The following NYAP2 variants were observed in gnomAD, a reference collection of about 807,000 sequenced individuals.
The protein encoded by NYAP2 is neuronal tyrosine-phosphorylated phosphoinositide-3-kinase adapter 2.
In NYAP2, 23 loss-of-function variants were observed where a neutral mutation model predicts 50.4. The observed-to-expected ratio is 0.46, with a 90% CI of 0.33 to 0.65. The LOEUF (loss-of-function observed/expected upper bound fraction) is 0.65. Among genes scored for constraint, NYAP2 ranks in the 30% least tolerant of loss-of-function variants. NYAP2 has a pLI of 0.02. For missense variants in NYAP2, 885 were observed against 861.0 expected (o/e 1.03, Z -0.35); for synonymous variants, 394 against 365.2 (o/e 1.08, Z -0.90).
At position 225,446,216 on chromosome 2, in the gene NYAP2, G is replaced by GTCTCTCTC. The variant is rs1271105292; in HGVS notation, c.221+37139_221+37146dup. On this transcript the variant is annotated intron_variant, in intron 3 of 6. Transcript: ENST00000636099. ...TGTCTGTCTGTCTGTCTGTCTGTCTGTCTCTCTCTCTCTCTCTCTCTCTCT... is the reference window on the plus strand; with the variant it reads ...TGTCTGTCTGTCTGTCTGTCTGTCTGTCTCTCTCTCTCTCTCTCTCTCTCTCTCTCTCT... 3.8e-3 allele frequency among the ~76,000 whole-genome samples: 263 copies of GTCTCTCTC among 69,384 alleles called. 8 individuals carry two copies. Among genetic ancestry groups the GTCTCTCTC allele is most frequent in the East Asian group, 7.1e-3 (14 of 1,984 alleles). 45.5% of individuals were successfully genotyped at this position (69,384 alleles called of 152,430 possible).
At chr2:225,416,272 A>T (rs1406770080) in intron 3 of NYAP2, among the ~76,000 whole-genome samples, 1 of 152,218 alleles carries the variant, frequency 6.6e-6, no homozygotes, top group Non-Finnish European at 1.5e-5. Flanking sequence ...AATCAAATGC[A>T]TGGGCAAGTT....
rs116540437 is a variant in NYAP2 at position 225,482,900 on chromosome 2, C to T, written c.222-30471C>T. 5.0e-3 allele frequency among the ~76,000 whole-genome samples: 764 copies of T among 152,260 alleles called. 4 individuals carry two copies. Among genetic ancestry groups the T allele is most frequent in the African/African-American group, 0.017 (711 of 41,554 alleles). ...AATGGTATACGGAGAGAAGACAAAG[C>T]CCATGGATCCATTATTTCAGGGATT... On this transcript the variant is annotated intron_variant, in intron 3 of 6. Transcript: ENST00000636099.
intron 5 of NYAP2, among the ~76,000 whole-genome samples, chr2:225,599,275 A>T (rs1433307163): frequency 6.6e-6 from 1 of 152,226 alleles, no homozygotes; most frequent in Non-Finnish European, 1.5e-5. Context: ...AGAAAGACCT[A>T]AAAAGCACTC....
the NYAP2 span, among the ~76,000 whole-genome samples, chr2:225,670,883 A>T: frequency 6.6e-6 from 1 of 152,112 alleles, no homozygotes; most frequent in Admixed American, 6.6e-5. Flanking sequence ...TTTACATTAT[A>T]ATCCAGTCTA....
chr2:225,531,642 T>G (rs1559206506), intron 4 of NYAP2, among the ~76,000 whole-genome samples: 1 of 152,156 alleles, frequency 6.6e-6, no homozygotes, highest in Non-Finnish European at 1.5e-5. Context: ...CTATGAAGAG[T>G]TAATGCACTT....
chr2:225,440,778 G>T (rs948765614), intron 3 of NYAP2, among the ~76,000 whole-genome samples: 2 of 152,180 alleles, frequency 1.3e-5, no homozygotes, highest in Admixed American at 6.5e-5. Context: ...TCTAACTTCT[G>T]GTTTGTCAAA....
downstream of NYAP2, among the ~76,000 whole-genome samples, chr2:225,658,215 C>T (rs6725615): frequency 0.65 from 99,144 of 151,940 alleles, 32,808 homozygotes; most frequent in South Asian, 0.82. Context: ...GGCTGTGCAA[C>T]ACATATTAAA....
chr2:225,585,446 G>A (rs1051550138), intron 5 of NYAP2, among the ~76,000 whole-genome samples: 14 of 152,304 alleles, frequency 9.2e-5, no homozygotes, highest in South Asian at 4.1e-4. Context: ...ATCAGTCTAC[G>A]TGTATATGTC....
At chr2:225,641,222 G>A (rs1693524062) in intron 6 of NYAP2, among the ~76,000 whole-genome samples, 2 of 152,096 alleles carry the variant, frequency 1.3e-5, no homozygotes, top group South Asian at 4.1e-4. Context: ...TGGAGATGCT[G>A]CACCAACAGT....
At chr2:225,560,317 ATTC>A (rs1559214545) in intron 4 of NYAP2, among the ~76,000 whole-genome samples, 1 of 152,134 alleles carries the variant, frequency 6.6e-6, no homozygotes, top group East Asian at 1.9e-4. Flanking sequence ...GATATACAAT[ATTC>A]TTCTCAGATA....
At chr2:225,402,000 C>T (rs1322383022) in intron 2 of NYAP2, among the ~76,000 whole-genome samples, 1 of 151,952 alleles carries the variant, frequency 6.6e-6, no homozygotes, top group Non-Finnish European at 1.5e-5. Context: ...ACATTTTAGA[C>T]AATGTTCTCA....
chr2:225,536,378 C>T (rs568092646), intron 4 of NYAP2, among the ~76,000 whole-genome samples: 1 of 152,190 alleles, frequency 6.6e-6, no homozygotes. Context: ...GAAATGGTGG[C>T]CTATTTCCCC....
intron 5 of NYAP2, among the ~76,000 whole-genome samples, chr2:225,621,189 G>A (rs987745152): frequency 4.0e-5 from 6 of 151,636 alleles, no homozygotes; most frequent in East Asian, 1.9e-4. Flanking sequence ...AGGCTATGAC[G>A]TTTGGAAGCT....
At chr2:225,417,121 G>T (rs76839549) in intron 3 of NYAP2, among the ~76,000 whole-genome samples, 2,926 of 152,190 alleles carry the variant, frequency 0.019, 86 homozygotes, top group African/African-American at 0.064. Context: ...TGTTTCCAAA[G>T]AACCCGTAAG....
chr2:225,651,826 AC>A, exon 7 of NYAP2: 1 of 407,480 alleles, frequency 2.5e-6, no homozygotes, highest in South Asian at 3.8e-5. Context: ...GTAAACTTGT[AC>A]TATATGTATT....
intron 3 of NYAP2, among the ~76,000 whole-genome samples, chr2:225,498,403 G>A (rs940345222): frequency 6.6e-6 from 1 of 152,122 alleles, no homozygotes; most frequent in African/African-American, 2.4e-5. Flanking sequence ...AGACCCCAGG[G>A]GAGTGGAGGG....
chr2:225,571,720 G>C (rs181725367), intron 4 of NYAP2, among the ~76,000 whole-genome samples: 1 of 152,286 alleles, frequency 6.6e-6, no homozygotes, highest in Admixed American at 6.5e-5. Flanking sequence ...TGCTGTGAAG[G>C]CCTCTGACAT....
At chr2:225,682,798 T>C in the NYAP2 span, among the ~76,000 whole-genome samples, 2 of 152,128 alleles carry the variant, frequency 1.3e-5, no homozygotes, top group Non-Finnish European at 2.9e-5. Context: ...ATGGGTGCCA[T>C]AAGCTGAGAG....
chr2:225,433,135 T>C (rs1261207398), intron 3 of NYAP2, among the ~76,000 whole-genome samples: 3 of 152,224 alleles, frequency 2.0e-5, no homozygotes, highest in Non-Finnish European at 4.4e-5. Context: ...AATATTTCAT[T>C]AAATACTTAT....
Sources: gnomAD v4.1 joint callset for allele counts (sites outside exome capture counted in the v4.1 genomes callset) on GRCh38, gnomAD v4.1.1 for gene constraint, MANE v1.5 for transcripts, NCBI Gene and HGNC (gene_info 2026-07-23, HGNC 2026-07-21) for gene names.